The following TENM2 variants were observed in gnomAD, a reference collection of about 807,000 sequenced individuals.
TENM2 encodes the protein teneurin-2.
A neutral mutation model predicts 245.2 loss-of-function variants in TENM2; 52 were observed. The ratio of observed to expected loss-of-function variants is 0.21; its 90% confidence interval spans 0.17 to 0.27. The LOEUF is 0.27. Among genes scored for constraint, TENM2 ranks in the 10% least tolerant of loss-of-function variants. The pLI is 1.00. For missense variants in TENM2, 3,046 were observed against 3,666.8 expected, an observed-to-expected ratio of 0.83 and a Z score of 4.37; for synonymous variants, 1,363 against 1,438.9, an observed-to-expected ratio of 0.95 and a Z score of 1.19.
chr5:167,159,015 G>GT, the TENM2 span, among the ~76,000 whole-genome samples: 1 of 147,540 alleles, frequency 6.8e-6, no homozygotes, highest in Non-Finnish European at 1.5e-5. Context: ...GTGCAGTGGC[G>GT]TATCTCAGCT....
chr5:167,377,224 A>G (rs1017715943), intron 2 of TENM2, among the ~76,000 whole-genome samples: 4 of 152,158 alleles, frequency 2.6e-5, no homozygotes, highest in Admixed American at 2.0e-4. Context: ...TTTTTTTCAT[A>G]TTATTTGAAA....
intron 3 of TENM2, among the ~76,000 whole-genome samples, chr5:167,909,537 A>G (rs1776381682): frequency 6.6e-6 from 1 of 152,230 alleles, no homozygotes; most frequent in African/African-American, 2.4e-5. Flanking sequence ...TTGTGTGGTC[A>G]TTAATTCTTA....
At chr5:167,884,418 C>G (rs1774122133) in intron 3 of TENM2, among the ~76,000 whole-genome samples, 1 of 152,198 alleles carries the variant, frequency 6.6e-6, no homozygotes, top group Non-Finnish European at 1.5e-5. Flanking sequence ...CGCTTTCCCT[C>G]AGCCCCTGGC....
chr5:167,605,971 T>C (rs1777014903), intron 2 of TENM2, among the ~76,000 whole-genome samples: 2 of 152,162 alleles, frequency 1.3e-5, no homozygotes, highest in African/African-American at 2.4e-5. Flanking sequence ...TTCTCATGCA[T>C]TTACCCTCTT....
At chr5:167,537,963 C>T (rs1562037323) in intron 2 of TENM2, among the ~76,000 whole-genome samples, 1 of 152,232 alleles carries the variant, frequency 6.6e-6, no homozygotes, top group Non-Finnish European at 1.5e-5. Flanking sequence ...AGTCAGCTTA[C>T]ACCTTAAGGG....
chr5:167,535,184 G>A (rs192947104), intron 2 of TENM2, among the ~76,000 whole-genome samples: 1 of 151,840 alleles, frequency 6.6e-6, no homozygotes, highest in African/African-American at 2.4e-5. Context: ...TGACCATTTG[G>A]GGTTGGGGGG....
chr5:167,174,790 G>A, the TENM2 span, among the ~76,000 whole-genome samples: 5 of 151,740 alleles, frequency 3.3e-5, no homozygotes, highest in Non-Finnish European at 7.4e-5. Flanking sequence ...TTACAAGTTT[G>A]TATGCTTTGA....
intron 2 of TENM2, among the ~76,000 whole-genome samples, chr5:167,703,654 C>T (rs1342300010): frequency 6.6e-6 from 1 of 151,528 alleles, no homozygotes; most frequent in South Asian, 2.1e-4. Flanking sequence ...TAGAAAAAGA[C>T]AGTTTTTATT....
chr5:167,126,033 T>C, the TENM2 span, among the ~76,000 whole-genome samples: 1 of 152,216 alleles, frequency 6.6e-6, no homozygotes, highest in Non-Finnish European at 1.5e-5. Context: ...TCCTAATCTG[T>C]ATTTCTGCTT....
At chr5:167,366,839 G>A (rs982757193) in intron 1 of TENM2, among the ~76,000 whole-genome samples, 4 of 152,092 alleles carry the variant, frequency 2.6e-5, no homozygotes, top group East Asian at 3.9e-4. Context: ...ATATAGTCAG[G>A]TGAATGTACA....
chr5:168,076,380 C>G (rs1440711721), intron 7 of TENM2, among the ~76,000 whole-genome samples: 4 of 151,880 alleles, frequency 2.6e-5, no homozygotes, highest in Non-Finnish European at 5.9e-5. Context: ...TGCACCCCAC[C>G]ACACCCGACT....
chr5:167,579,893 A>G (rs778383648), intron 2 of TENM2, among the ~76,000 whole-genome samples: 6 of 152,206 alleles, frequency 3.9e-5, no homozygotes, highest in Non-Finnish European at 7.3e-5. Flanking sequence ...GCTACATGAT[A>G]TCCTGCAGGT....
chr5:168,186,266 TG>T (rs1233192712), intron 13 of TENM2: 1 of 152,142 alleles, frequency 6.6e-6, no homozygotes, highest in African/African-American at 2.4e-5. Flanking sequence ...TCAGCATTAA[TG>T]AACCTGTTTC....
intron 4 of TENM2, among the ~76,000 whole-genome samples, chr5:167,958,695 C>G (rs1487621125): frequency 6.6e-6 from 1 of 152,146 alleles, no homozygotes; most frequent in Non-Finnish European, 1.5e-5. Flanking sequence ...AATCTCTCAG[C>G]ATTTGCTTGT....
the TENM2 span, among the ~76,000 whole-genome samples, chr5:167,101,849 T>TTATATTTTTATATATATATATATA: frequency 2.9e-5 from 2 of 69,456 alleles, no homozygotes; most frequent in East Asian, 8.4e-4. Context: ...ATATATATAT[T>TTATATTTTTATATATATATATATA]TATATATATA....
intron 2 of TENM2, among the ~76,000 whole-genome samples, chr5:167,623,565 TG>T (rs1391626062): frequency 6.6e-6 from 1 of 152,106 alleles, no homozygotes; most frequent in Non-Finnish European, 1.5e-5. Context: ...TGAATTTGAA[TG>T]GTTTTAGATG....
intron 2 of TENM2, among the ~76,000 whole-genome samples, chr5:167,768,155 T>C (rs184114968): frequency 2.0e-5 from 3 of 152,326 alleles, no homozygotes; most frequent in Admixed American, 1.3e-4. Context: ...AATGATTTAT[T>C]ATCCAAGCTA....
chr5:167,872,296 TAGAAAGAA>T (rs56684638), intron 2 of TENM2, among the ~76,000 whole-genome samples: 8,683 of 104,238 alleles, frequency 0.083, 479 homozygotes, highest in East Asian at 0.18. Context: ...AAGAGAAAGA[TAGAAAGAA>T]AGAAAGAAAG....
chr5:168,131,159 A>G (rs1336197068), intron 12 of TENM2, among the ~76,000 whole-genome samples: 1 of 152,204 alleles, frequency 6.6e-6, no homozygotes, highest in Non-Finnish European at 1.5e-5. Context: ...TCTTGCAATT[A>G]TCTCCTGAAC....
Sources: allele counts gnomAD v4.1 joint callset (sites outside exome capture counted in the v4.1 genomes callset), GRCh38; gene constraint gnomAD v4.1.1; transcripts MANE v1.5; gene names NCBI Gene and HGNC (gene_info 2026-07-23, HGNC 2026-07-21).